The following FNDC1 variants were observed in gnomAD, a reference collection of about 807,000 sequenced individuals.
The protein encoded by FNDC1 is fibronectin type III domain-containing protein 1.
In FNDC1, 96 loss-of-function variants were observed where a neutral mutation model predicts 168.0. That is an observed-to-expected ratio of 0.57 (90% CI 0.48 to 0.68). FNDC1 has a LOEUF of 0.68. Ranked by LOEUF, FNDC1 falls within the 30% of genes least tolerant of loss-of-function variation. The probability of loss-of-function intolerance (pLI) is 0.00; values close to 1 mark genes in which losing one functional copy is unlikely to be tolerated. For missense variants in FNDC1, 2,587 were observed against 2,482.1 expected (o/e 1.04, Z -0.90); for synonymous variants, 1,099 against 1,025.9 (o/e 1.07, Z -1.36).
At chr6:159,240,959 T>C (rs1354330216) in intron 14 of FNDC1, 1 of 152,266 alleles carries the variant, frequency 6.6e-6, no homozygotes, top group Non-Finnish European at 1.5e-5. Context: ...CGTTATTGAC[T>C]ATGATAAGCC....
intron 22 of FNDC1, among the ~76,000 whole-genome samples, chr6:159,269,266 A>C (rs1370488631): frequency 1.2e-5 from 1 of 80,164 alleles, no homozygotes; most frequent in Non-Finnish European, 3.4e-5. Context: ...TCATCTATCT[A>C]TCTATCTATC....
rs1477141480 is a variant in FNDC1, at chr6:159,232,249, C to G, written c.1737C>G (p.Pro579=). 9.3e-6 allele frequency: 15 copies of G among 1,610,986 alleles called. No homozygotes were observed. The highest frequency in any genetic ancestry group is 1.3e-5 in the Non-Finnish European group (15 of 1,178,764). The change falls in exon 11 of 23, where the codon CCC becomes CCG. Residue 579 remains proline (P), a synonymous_variant. Coordinates refer to ENST00000297267, the MANE Select transcript of FNDC1 (RefSeq NM_032532.3). The surrounding 1 kb of genome is among the most constrained non-coding windows in gnomAD (Gnocchi z 4.9). ...GACACGGCCACTCGGTGGTTGCTCC[C>G]GGCAGGACTGCAGTGAGGGCCCGGA... The part of the protein sequence containing the change: ...PSRHGHSVVA[P]GRTAVRARMP...
rs1783135440 is a variant in FNDC1 at position 159,233,037 on chromosome 6, G to C, written c.2525G>C (p.Arg842Pro). The change falls in exon 11 of 23, where the codon CGG (arginine) becomes CCG (proline). Residue 842 changes from arginine (R) to proline (P), a missense_variant. By Grantham distance (103) the Arg-to-Pro change is moderately radical. Transcript: ENST00000297267. This position sits in a 1 kb window ranked among gnomAD's most constrained non-coding sequence, Gnocchi z 4.6. ...AGGTTCAGCATTGGGCGGGGACCTCGGCTGCAGCCCTCCAGCTCCCCACAG... is the reference window on the plus strand; with the variant it reads ...AGGTTCAGCATTGGGCGGGGACCTCCGCTGCAGCCCTCCAGCTCCCCACAG... ...PSRFSIGRGP[R>P]LQPSSSPQST... 2 of 1,611,742 alleles carry C rather than the reference G, an allele frequency of 1.2e-6. No homozygotes were observed. The highest frequency in any genetic ancestry group is 1.7e-6 in the Non-Finnish European group (2 of 1,179,092).
At chr6:159,252,357 G>T (rs556196789) in intron 17 of FNDC1, among the ~76,000 whole-genome samples, 1 of 152,074 alleles carries the variant, frequency 6.6e-6, no homozygotes, top group Non-Finnish European at 1.5e-5. Flanking sequence ...AGTGCAGTTC[G>T]CACAATTCAA....
chr6:159,266,238 C>T lies in FNDC1; in HGVS notation c.5439C>T (p.Asn1813=), dbSNP rs373745239. The T allele has an allele frequency of 1.9e-6, 3 of 1,613,742 alleles. No individual in the cohort carries two copies. In the African/African-American group the frequency reaches 4.0e-5, roughly 22 times the overall value. Residue 1813 remains asparagine (N), a synonymous_variant, in exon 21 of 23, where the codon AAC becomes AAT. Coordinates refer to ENST00000297267, the MANE Select transcript of FNDC1 (RefSeq NM_032532.3). ...SLRYKIYLSD[N]LKDTFYSIGD... The stretch of plus-strand genomic sequence containing the variant: ...GGTATAAAATCTACCTCAGTGACAA[C>T]CTGAAAGGTAAGTCTTTGTGCATGG...
chr6:159,253,093 G>A (rs1351439117), intron 17 of FNDC1, among the ~76,000 whole-genome samples: 1 of 152,178 alleles, frequency 6.6e-6, no homozygotes, highest in Non-Finnish European at 1.5e-5. Flanking sequence ...GAGCCTTCAT[G>A]TCCTCACATG....
At position 159,246,991 on chromosome 6, in the gene FNDC1, A is replaced by G; in HGVS notation, c.4690+22A>G. ...GAAGGTACAAACTGGCTTTTGAAAA[A>G]TTATTTGCACACTTTCTTTCCTAAT... On this transcript the variant is annotated intron_variant, in intron 15 of 22. Coordinates refer to ENST00000297267, the MANE Select transcript of FNDC1 (RefSeq NM_032532.3). 3.3e-6 allele frequency: 5 copies of G among 1,495,208 alleles called. No homozygotes were observed. In the South Asian group the frequency reaches 4.5e-5, roughly 13 times the overall value. The allele number at this position is 1,495,208 out of a possible 1,614,324, so 92.6% of individuals were successfully genotyped here. A position where few individuals can be genotyped will look rare whatever the true frequency, so the allele number is the denominator to read the frequency against.
At chr6:159,171,443 T>A (rs1160433207) in intron 1 of FNDC1, among the ~76,000 whole-genome samples, 1 of 152,172 alleles carries the variant, frequency 6.6e-6, no homozygotes, top group Non-Finnish European at 1.5e-5. Flanking sequence ...ACGTCATGGA[T>A]AGACTGCTCC....
intron 5 of FNDC1, 73 bp from the exon 6 acceptor site, chr6:159,221,525 G>C (rs986570260): frequency 1.6e-6 from 2 of 1,217,890 alleles, no homozygotes; most frequent in African/African-American, 3.0e-5. Flanking sequence ...CAGAACCCCC[G>C]CTCCAGCCCC....
rs1783185516 is a variant in FNDC1 at position 159,234,082 on chromosome 6, C to A, written c.3570C>A (p.Gly1190=). 2 of 1,611,776 alleles carry A rather than the reference C, an allele frequency of 1.2e-6. No homozygotes were observed. The highest frequency in any genetic ancestry group is 1.7e-6 in the Non-Finnish European group (2 of 1,179,092). Residue 1190 remains glycine, a synonymous_variant, in exon 11 of 23, where the codon GGC becomes GGA. Transcript: ENST00000297267. ...DEEEDAGFFK[G]GKEDLLSSSV... ...AGGAGGACGCGGGATTTTTTAAAGG[C>A]GGGAAAGAAGACCTTCTGTCTTCCT...
Position 159,232,550 on chromosome 6 carries a change from G to A in FNDC1, c.2038G>A (p.Val680Ile). The A allele has an allele frequency of 6.2e-7, 1 of 1,612,174 alleles. No homozygotes were observed. Among genetic ancestry groups the A allele is most frequent in the Non-Finnish European group, 8.5e-7 (1 of 1,179,230 alleles). ...LSPSRQSPSSVLRDRSSVHPG... is the reference protein window; with the variant it reads ...LSPSRQSPSSILRDRSSVHPG... ...CCCCAGCCGCCAGTCCCCGTCCAGCGTTCTCCGCGACAGAAGCTCTGTGCA... is the reference window on the plus strand; with the variant it reads ...CCCCAGCCGCCAGTCCCCGTCCAGCATTCTCCGCGACAGAAGCTCTGTGCA... The change falls in exon 11 of 23, where the codon GTT (valine) becomes ATT (isoleucine). Residue 680 changes from valine to isoleucine, a missense_variant. Physicochemically the swap from Val to Ile is conservative, Grantham distance 29 (BLOSUM62 3). Coordinates refer to ENST00000297267, the MANE Select transcript of FNDC1 (RefSeq NM_032532.3). The surrounding 1 kb of genome is among the most constrained non-coding windows in gnomAD (Gnocchi z 4.9).
chr6:159,249,079 G>A lies in FNDC1; in HGVS notation c.4731G>A (p.Glu1577=), dbSNP rs1777201468. The change falls in exon 16 of 23, where the codon GAG becomes GAA. Residue 1577 remains glutamate, a synonymous_variant. Transcript: ENST00000297267. ...CGTCAAGGCCACCAACCACCACTGA[G>A]CCTTCGACCACTGCTACCACACCGA... ...FETSRPPTTT[E]PSTTATTPRV... 1.2e-6 allele frequency: 2 copies of A among 1,604,450 alleles called. No individual in the cohort carries two copies. Among genetic ancestry groups the A allele is most frequent in the African/African-American group, 1.3e-5 (1 of 74,754 alleles).
chr6:159,268,796 G>A (rs532581545), intron 22 of FNDC1, among the ~76,000 whole-genome samples: 1 of 150,666 alleles, frequency 6.6e-6, no homozygotes, highest in African/African-American at 2.4e-5. Context: ...ATGTATGTGT[G>A]TATCTATCTA....
At chr6:159,231,742 G>A (rs1783086955) in intron 10 of FNDC1, 140 bp from the exon 11 acceptor site, 1 of 626,654 alleles carries the variant, frequency 1.6e-6, no homozygotes, top group African/African-American at 1.9e-5. Flanking sequence ...CACGTTTCCA[G>A]TGTTCTAAGG....
chr6:159,225,813 A>G, intron 8 of FNDC1, 91 bp downstream of exon 8: 1 of 1,170,940 alleles, frequency 8.5e-7, no homozygotes. Context: ...ATAGTGACAA[A>G]GGCCAGCGTG....
At chr6:159,248,246 T>G (rs1387160793) in intron 15 of FNDC1, among the ~76,000 whole-genome samples, 1 of 152,166 alleles carries the variant, frequency 6.6e-6, no homozygotes, top group East Asian at 1.9e-4. Flanking sequence ...AAAGGATTAG[T>G]TGTCTTGGCA....
At chr6:159,188,366 TTTC>T (rs1435710478) in intron 1 of FNDC1, among the ~76,000 whole-genome samples, 385 of 111,434 alleles carry the variant, frequency 3.5e-3, no homozygotes, top group African/African-American at 0.02. Flanking sequence ...CCTCAATTTC[TTTC>T]TTTTTTTTTT....
At chr6:159,230,749 A>G (rs74411957) in intron 10 of FNDC1, among the ~76,000 whole-genome samples, 16,939 of 152,104 alleles carry the variant, frequency 0.11, 1,072 homozygotes, top group Non-Finnish European at 0.14. Flanking sequence ...CTTTTCCTTC[A>G]TTATGTGCTA....
intron 22 of FNDC1, among the ~76,000 whole-genome samples, chr6:159,269,577 A>T (rs58236589): frequency 3.6e-5 from 4 of 112,618 alleles, no homozygotes; most frequent in African/African-American, 1.2e-4. Context: ...CATCTATCCT[A>T]TCTGTCTGTC....
Sources: gnomAD v4.1 joint callset for allele counts (sites outside exome capture counted in the v4.1 genomes callset) on GRCh38, gnomAD v4.1.1 for gene constraint, Gnocchi (gnomAD v3.1) non-coding constraint, MANE v1.5 for transcripts, NCBI Gene and HGNC (gene_info 2026-07-23, HGNC 2026-07-21) for gene names.